ANKRD11: variants seen among roughly 807,000 people sequenced by gnomAD.
The protein encoded by ANKRD11 is ankyrin repeat domain-containing protein 11.
A neutral mutation model predicts 195.7 loss-of-function variants in ANKRD11; 17 were observed. That is an observed-to-expected ratio of 0.09 (90% CI 0.06 to 0.13). The LOEUF (loss-of-function observed/expected upper bound fraction) is 0.13, where lower values mean the gene tolerates loss of function less well. Ranked by LOEUF, ANKRD11 falls within the 10% of genes least tolerant of loss-of-function variation. The probability of loss-of-function intolerance (pLI) is 1.00; values close to 1 mark genes in which losing one functional copy is unlikely to be tolerated. For missense variants in ANKRD11, 3,735 were observed against 3,566.1 expected (o/e 1.05, Z -1.21); for synonymous variants, 1,953 against 1,528.1 (o/e 1.28, Z -6.49).
chr16:89,415,687 G>C (rs920886017), intron 2 of ANKRD11, among the ~76,000 whole-genome samples: 1 of 151,304 alleles, frequency 6.6e-6, no homozygotes, highest in Non-Finnish European at 1.5e-5. Flanking sequence ...AATCAGCTGG[G>C]TGTGGTGGTG....
intron 1 of ANKRD11, among the ~76,000 whole-genome samples, chr16:89,472,313 T>C (rs991504557): frequency 1.3e-5 from 2 of 151,726 alleles, no homozygotes; most frequent in Non-Finnish European, 2.9e-5. Context: ...TGTGGATCTG[T>C]AGGGACGGTA....
chr16:89,276,444 G>A (rs1019764378), intron 9 of ANKRD11, among the ~76,000 whole-genome samples: 7 of 152,294 alleles, frequency 4.6e-5, no homozygotes, highest in South Asian at 2.1e-4. Context: ...CATGGTGGAC[G>A]GGCCTGACCA....
At chr16:89,322,158 G>GC (rs956780337) in intron 2 of ANKRD11, among the ~76,000 whole-genome samples, 39 of 152,236 alleles carry the variant, frequency 2.6e-4, no homozygotes, top group African/African-American at 9.4e-4. Flanking sequence ...GGAGGCTGGC[G>GC]CCCCCAACCC....
chr16:89,418,727 G>A (rs962962157), intron 1 of ANKRD11, among the ~76,000 whole-genome samples: 1 of 150,846 alleles, frequency 6.6e-6, no homozygotes, highest in African/African-American at 2.4e-5. Flanking sequence ...TCTCGCCACA[G>A]AAACAAAACA....
intron 1 of ANKRD11, among the ~76,000 whole-genome samples, chr16:89,441,257 C>T (rs879814624): frequency 4.0e-4 from 61 of 151,710 alleles, no homozygotes; most frequent in Non-Finnish European, 7.5e-4. Flanking sequence ...AGTTTCCTCG[C>T]TATGCATGCG....
intron 2 of ANKRD11, chr16:89,324,097 G>A (rs1435033662): frequency 7.3e-6 from 3 of 408,576 alleles, no homozygotes; most frequent in South Asian, 2.8e-5. Context: ...TGATCTGCCG[G>A]CCTCGGCCTC....
chr16:89,354,402 C>T (rs1199419114), intron 2 of ANKRD11, among the ~76,000 whole-genome samples: 2 of 152,188 alleles, frequency 1.3e-5, no homozygotes, highest in African/African-American at 4.8e-5. Flanking sequence ...GTGCTTGACA[C>T]AGTCAACACT....
At chr16:89,466,159 AG>A (rs1415094607) in intron 1 of ANKRD11, among the ~76,000 whole-genome samples, 3 of 152,204 alleles carry the variant, frequency 2.0e-5, no homozygotes, top group Non-Finnish European at 4.4e-5. Context: ...GGTAAACACC[AG>A]AGCGCATGCA....
At chr16:89,450,391 T>TTTTA (rs1363702383) in intron 1 of ANKRD11, among the ~76,000 whole-genome samples, 3 of 152,150 alleles carry the variant, frequency 2.0e-5, no homozygotes, top group Non-Finnish European at 4.4e-5. Flanking sequence ...GAAGAACAGC[T>TTTTA]TTTACAGTGA....
At chr16:89,276,696 G>A (rs559738284) in intron 9 of ANKRD11, among the ~76,000 whole-genome samples, 5 of 152,330 alleles carry the variant, frequency 3.3e-5, no homozygotes, top group East Asian at 1.9e-4. Context: ...GAGGCTGGGC[G>A]TGCAGCAGGT....
At chr16:89,403,786 A>G (rs2041800335) in intron 2 of ANKRD11, 2 of 152,164 alleles carry the variant, frequency 1.3e-5, no homozygotes. Context: ...TAAAAAAATT[A>G]GGCGGGTGTG....
chr16:89,487,179 C>A (rs2057646292), intron 1 of ANKRD11, among the ~76,000 whole-genome samples: 1 of 152,178 alleles, frequency 6.6e-6, no homozygotes, highest in African/African-American at 2.4e-5. Context: ...GAGTCACAAA[C>A]TGACGCAGCC....
At chr16:89,411,482 T>C (rs768332154) in intron 2 of ANKRD11, among the ~76,000 whole-genome samples, 1 of 152,204 alleles carries the variant, frequency 6.6e-6, no homozygotes. Flanking sequence ...GGTGTGATCA[T>C]AGCTCACTAC....
At chr16:89,332,898 G>A (rs1567661556) in intron 2 of ANKRD11, among the ~76,000 whole-genome samples, 1 of 152,262 alleles carries the variant, frequency 6.6e-6, no homozygotes, top group East Asian at 1.9e-4. Flanking sequence ...GTTTTTTAAC[G>A]CAAGGGTCCA....
chr16:89,288,567 G>A lies in ANKRD11; in HGVS notation c.705C>T (p.Asp235=), dbSNP rs750092485. The A allele has an allele frequency of 2.2e-5, 36 of 1,614,036 alleles. No homozygotes were observed. Among genetic ancestry groups the A allele is most frequent in the East Asian group, 4.5e-5 (2 of 44,890 alleles). The change falls in exon 7 of 13, where the codon GAC becomes GAT. Residue 235 remains aspartate, a synonymous_variant. Transcript: ENST00000301030. ...AEVNTKGLDD[D]TPLHDAANNG... ...TGTTGGCAGCGTCGTGCAAAGGCGT[G>A]TCGTCATCTAGGCCCTTGGTGTTCA...
chr16:89,313,454 T>G (rs1303506014), intron 3 of ANKRD11: 1 of 1,289,192 alleles, frequency 7.8e-7, no homozygotes, highest in East Asian at 5.6e-5. Context: ...CGCCTGCCAC[T>G]GTGCTCACTG....
At chr16:89,440,674 C>G (rs1014527647) in intron 1 of ANKRD11, among the ~76,000 whole-genome samples, 1 of 152,098 alleles carries the variant, frequency 6.6e-6, no homozygotes, top group Non-Finnish European at 1.5e-5. Context: ...ATATCAAGCA[C>G]AAACTAAGGG....
chr16:89,288,516 G>A lies in ANKRD11; in HGVS notation c.744+12C>T, dbSNP rs768617703. ...GACAGGCCGGATGTGTGAAGAACGG[G>A]GGGATGCCAACCTTGTAGTGCCCGT... On this transcript the variant is annotated intron_variant, in intron 7 of 12. Transcript: ENST00000301030. 95 of 1,614,014 alleles carry A rather than the reference G, an allele frequency of 5.9e-5. 1 individual carries two copies. Among genetic ancestry groups the A allele is most frequent in the Non-Finnish European group, 7.5e-5 (88 of 1,180,038 alleles).
chr16:89,389,786 C>G (rs979879040), intron 2 of ANKRD11, among the ~76,000 whole-genome samples: 1 of 144,156 alleles, frequency 6.9e-6, no homozygotes, highest in Non-Finnish European at 1.5e-5. Context: ...GGGGCAAACA[C>G]CGAGTGTGGC....
Sources: allele counts gnomAD v4.1 joint callset (sites outside exome capture counted in the v4.1 genomes callset), GRCh38; gene constraint gnomAD v4.1.1; transcripts MANE v1.5; gene names NCBI Gene and HGNC (gene_info 2026-07-23, HGNC 2026-07-21).